Variants in ADAMTSL3 observed in about 807,000 individuals in gnomAD.
ADAMTSL3 encodes ADAMTS-like protein 3.
In ADAMTSL3, 128 loss-of-function variants were observed where a neutral mutation model predicts 201.7. The ratio of observed to expected loss-of-function variants is 0.63; its 90% CI spans 0.55 to 0.73. The LOEUF is 0.73. Among genes scored for constraint, ADAMTSL3 ranks in the 30% least tolerant of loss-of-function variants. The probability of loss-of-function intolerance (pLI) is 0.00; values close to 1 mark genes in which losing one functional copy is unlikely to be tolerated. For missense variants in ADAMTSL3, 1,990 were observed against 2,119.6 expected (o/e 0.94, Z 1.20); for synonymous variants, 738 against 748.4 (o/e 0.99, Z 0.23).
At position 83,698,997 on chromosome 15, in the gene ADAMTSL3, A is replaced by C. The variant is rs1009123715; in HGVS notation, c.70-5392A>C. ...CTCTTCTGCTTGCTCCTCCTCTTCT[A>C]CTTAATTTCAAATATTAGAATTGAG... On this transcript the variant is annotated intron_variant, in intron 2 of 29. Coordinates refer to ENST00000286744, the MANE Select transcript of ADAMTSL3 (RefSeq NM_207517.3). Among the ~76,000 whole-genome samples the C allele has an allele frequency of 2.6e-5, 4 of 151,788 alleles. No homozygotes were observed. The South Asian group carries it at 8.3e-4, about 32-fold the overall frequency.
chr15:83,959,554 A>G (rs886142234), intron 19 of ADAMTSL3, among the ~76,000 whole-genome samples: 1 of 152,250 alleles, frequency 6.6e-6, no homozygotes, highest in Non-Finnish European at 1.5e-5. Flanking sequence ...GTGGAGCCAC[A>G]TATTTAAGAT....
intron 4 of ADAMTSL3, among the ~76,000 whole-genome samples, chr15:83,795,906 G>A (rs980655592): frequency 1.3e-5 from 2 of 152,064 alleles, no homozygotes; most frequent in Admixed American, 1.3e-4. Context: ...CCTAAAATAT[G>A]TAACACACAA....
At chr15:83,680,155 A>G (rs2061457978) in intron 2 of ADAMTSL3, among the ~76,000 whole-genome samples, 1 of 151,788 alleles carries the variant, frequency 6.6e-6, no homozygotes, top group Admixed American at 6.6e-5. Flanking sequence ...GCAGGCTTTT[A>G]TTTCCTTTTT....
chr15:83,710,282 G>A (rs564589430), intron 3 of ADAMTSL3, among the ~76,000 whole-genome samples: 1 of 152,180 alleles, frequency 6.6e-6, no homozygotes, highest in East Asian at 1.9e-4. Context: ...GTCTCTTCCT[G>A]ACCACATTTA....
intron 17 of ADAMTSL3, among the ~76,000 whole-genome samples, chr15:83,941,231 C>T (rs1217335944): frequency 6.6e-6 from 1 of 151,740 alleles, no homozygotes; most frequent in Non-Finnish European, 1.5e-5. Context: ...ATTATATCTG[C>T]ATTAAATACT....
chr15:84,017,923 G>A (rs2068117067), intron 25 of ADAMTSL3, among the ~76,000 whole-genome samples: 1 of 152,168 alleles, frequency 6.6e-6, no homozygotes, highest in Admixed American at 6.5e-5. Context: ...AAGTACAATG[G>A]TAGCACTGAG....
chr15:83,863,633 A>G (rs556876352), intron 8 of ADAMTSL3, among the ~76,000 whole-genome samples: 1 of 152,354 alleles, frequency 6.6e-6, no homozygotes, highest in Admixed American at 6.5e-5. Flanking sequence ...AGGGAAATTT[A>G]TAGCACTAAA....
At chr15:83,668,047 T>C (rs2061272516) in intron 2 of ADAMTSL3, among the ~76,000 whole-genome samples, 2 of 152,124 alleles carry the variant, frequency 1.3e-5, no homozygotes, top group South Asian at 4.1e-4. Context: ...TCTATTCATT[T>C]TCTGTCTCGT....
At chr15:83,732,212 C>G (rs930621626) in intron 3 of ADAMTSL3, among the ~76,000 whole-genome samples, 8 of 151,952 alleles carry the variant, frequency 5.3e-5, no homozygotes, top group Non-Finnish European at 8.8e-5. Flanking sequence ...AATTGGTGTT[C>G]CCAAAAATGA....
At position 83,870,919 on chromosome 15, in the gene ADAMTSL3, T is replaced by A. The variant is rs776682856; in HGVS notation, c.920T>A (p.Phe307Tyr). ...EFQRGSERQT[F>Y]KIPGPLMADF... Reference sequence around the variant, plus strand: ...CAGAGGGGCTCCGAGAGGCAAACTTTTAAGATTCCAGGACCTCTGATGGCT... The same window carrying A: ...CAGAGGGGCTCCGAGAGGCAAACTTATAAGATTCCAGGACCTCTGATGGCT... Residue 307 changes from phenylalanine to tyrosine, a missense_variant, in exon 9 of 30, where the codon TTT becomes TAT. Physicochemically the swap from Phe to Tyr is conservative, Grantham distance 22 (BLOSUM62 3). Coordinates refer to ENST00000286744, the MANE Select transcript of ADAMTSL3 (RefSeq NM_207517.3). The A allele has an allele frequency of 1.9e-6, 3 of 1,613,618 alleles. No homozygotes were observed. In the East Asian group the frequency reaches 6.7e-5, roughly 36 times the overall value.
At chr15:83,867,628 T>C (rs2065004576) in intron 8 of ADAMTSL3, among the ~76,000 whole-genome samples, 1 of 152,204 alleles carries the variant, frequency 6.6e-6, no homozygotes, top group African/African-American at 2.4e-5. Flanking sequence ...GAAATTGACA[T>C]GAATGAAATT....
intron 9 of ADAMTSL3, among the ~76,000 whole-genome samples, chr15:83,871,898 T>A (rs1302821420): frequency 2.0e-5 from 3 of 152,164 alleles, no homozygotes; most frequent in Non-Finnish European, 4.4e-5. Flanking sequence ...TATTTTTCTG[T>A]ATGAAAAAAA....
In ADAMTSL3 at chr15:83,804,685, G is replaced by A. The variant is rs567679447; in HGVS notation, c.353G>A (p.Cys118Tyr). ...GGGCAGAACATTCGGTACAAGACAT[G>A]CAGCAATCATGTAAGTCATAAAATA... is the stretch of plus-strand genomic sequence containing the variant. The part of the protein sequence containing the change: ...CEGQNIRYKT[C>Y]SNHDCPPDAE... The change falls in exon 5 of 30, where the codon TGC becomes TAC. Residue 118 changes from cysteine (C) to tyrosine (Y), a missense_variant. Cys to Tyr is a radical substitution (Grantham distance 194). Coordinates refer to ENST00000286744, the MANE Select transcript of ADAMTSL3 (RefSeq NM_207517.3). 8 of 1,581,234 alleles carry A rather than the reference G, an allele frequency of 5.1e-6. No homozygotes were observed. The Admixed American group carries it at 5.5e-5, about 11-fold the overall frequency.
chr15:83,683,223 G>T (rs574603531), intron 2 of ADAMTSL3, among the ~76,000 whole-genome samples: 13 of 152,298 alleles, frequency 8.5e-5, no homozygotes, highest in Admixed American at 4.6e-4. Flanking sequence ...ACCCTTGCAT[G>T]TGGCTTGTTG....
chr15:83,829,214 G>A (rs985381651), intron 6 of ADAMTSL3, among the ~76,000 whole-genome samples: 1 of 152,150 alleles, frequency 6.6e-6, no homozygotes, highest in African/African-American at 2.4e-5. Flanking sequence ...GCCTGTTATT[G>A]GTCTATTCAG....
rs1424866553 is a variant in ADAMTSL3, at chr15:83,924,020, C to G, written c.2104C>G (p.Pro702Ala). Reference protein sequence around the residue: ...PAMSQACNTEPCPPRWHVGSW... With the variant: ...PAMSQACNTEACPPRWHVGSW... ...CATGAGCCAGGCCTGTAACACAGAG[C>G]CCTGTCCCCCCAGGTATGTGCTGTC... The change falls in exon 17 of 30, where the codon CCC becomes GCC. Residue 702 changes from proline to alanine, a missense_variant. Transcript: ENST00000286744. The G allele has an allele frequency of 3.1e-5, 50 of 1,613,956 alleles. 1 individual carries two copies. In the East Asian group the frequency reaches 1.1e-3, roughly 36 times the overall value.
intron 2 of ADAMTSL3, among the ~76,000 whole-genome samples, chr15:83,688,753 T>TACACACACACACACACAC (rs371646287): frequency 2.0e-5 from 3 of 147,544 alleles, no homozygotes; most frequent in African/African-American, 5.0e-5. Flanking sequence ...CATGCATATA[T>TACACACACACACACACAC]ATACACACAC....
intron 8 of ADAMTSL3, among the ~76,000 whole-genome samples, chr15:83,865,629 C>T (rs577687743): frequency 5.3e-5 from 8 of 152,310 alleles, no homozygotes; most frequent in Middle Eastern, 3.4e-3. Flanking sequence ...GGATTAAAGA[C>T]TTAAATGTTT....
rs549896547 is a variant in ADAMTSL3, at chr15:83,809,171, GA to G, written c.363+4477del. ...CACCACAAAGAAATGATAAATTTTT[GA>G]GGTGGTGAACATGCTAATGACCCTA... On this transcript the variant is annotated intron_variant, in intron 5 of 29. Coordinates refer to ENST00000286744, the MANE Select transcript of ADAMTSL3 (RefSeq NM_207517.3). 3.2e-3 allele frequency among the ~76,000 whole-genome samples: 488 copies of G among 152,190 alleles called. 1 individual carries two copies. Among genetic ancestry groups the G allele is most frequent in the African/African-American group, 0.011 (470 of 41,536 alleles).
Sources: gnomAD v4.1 joint callset for allele counts (sites outside exome capture counted in the v4.1 genomes callset) on GRCh38, gnomAD v4.1.1 for gene constraint, MANE v1.5 for transcripts, NCBI Gene and HGNC (gene_info 2026-07-23, HGNC 2026-07-21) for gene names.